The following CAMK2D variants were observed in gnomAD, a reference collection of about 807,000 sequenced individuals.
The protein encoded by CAMK2D is calcium/calmodulin dependent protein kinase II delta.
In CAMK2D, 37 loss-of-function variants were observed where a neutral mutation model predicts 84.0. That is an observed-to-expected ratio of 0.44 (90% confidence interval 0.34 to 0.58). The LOEUF (loss-of-function observed/expected upper bound fraction) is 0.58. Ranked by LOEUF, CAMK2D falls within the 20% of genes least tolerant of loss-of-function variation. CAMK2D has a pLI of 0.02. For synonymous variants in CAMK2D, 202 were observed against 212.5 expected (o/e 0.95, Z 0.43); for missense variants, 448 against 652.5 (o/e 0.69, Z 3.41).
At chr4:113,733,956 T>TC (rs1287046575) in intron 2 of CAMK2D, among the ~76,000 whole-genome samples, 3 of 152,190 alleles carry the variant, frequency 2.0e-5, no homozygotes, top group African/African-American at 7.2e-5. Flanking sequence ...AGGTTTCCAT[T>TC]CTGCTTTTAA....
At chr4:113,572,289 T>C (rs546756335) in intron 4 of CAMK2D, among the ~76,000 whole-genome samples, 69 of 152,238 alleles carry the variant, frequency 4.5e-4, no homozygotes, top group Non-Finnish European at 7.2e-4. Flanking sequence ...CAAGGATTGA[T>C]TGACCTTCAA....
chr4:113,630,972 A>T (rs1290805168), intron 3 of CAMK2D, among the ~76,000 whole-genome samples: 1 of 152,184 alleles, frequency 6.6e-6, no homozygotes, highest in Admixed American at 6.5e-5. Context: ...TTTATGTAAC[A>T]TATCATGGAT....
chr4:113,692,663 T>C (rs1393970338), intron 2 of CAMK2D, among the ~76,000 whole-genome samples: 2 of 151,998 alleles, frequency 1.3e-5, no homozygotes, highest in African/African-American at 4.8e-5. Context: ...TACATACATA[T>C]ATTCATACAT....
At chr4:113,507,122 T>C (rs923683036) in intron 13 of CAMK2D, among the ~76,000 whole-genome samples, 1 of 152,210 alleles carries the variant, frequency 6.6e-6, no homozygotes, top group Non-Finnish European at 1.5e-5. Context: ...ATTTTTTTCC[T>C]ATGGAAAATC....
chr4:113,531,301 T>C lies in CAMK2D; in HGVS notation c.518-2A>G. The C allele has an allele frequency of 6.5e-7, 1 of 1,537,126 alleles. No homozygotes were observed. The highest frequency in any genetic ancestry group is 9.0e-7 in the Non-Finnish European group (1 of 1,110,098). ...GATATCCAGGTGTGCCAGCAAAACC[T>C]AGGGAAAAGAGATGTTAATGAGTCA... is the stretch of plus-strand genomic sequence containing the variant. On this transcript the variant is annotated splice_acceptor_variant, in intron 7 of 20. Coordinates refer to ENST00000511664, the MANE Select transcript of CAMK2D (RefSeq NM_001321571.2). LOFTEE classifies it high-confidence loss of function.
intron 16 of CAMK2D, among the ~76,000 whole-genome samples, chr4:113,495,950 A>C (rs1214052601): frequency 6.6e-6 from 1 of 152,190 alleles, no homozygotes; most frequent in African/African-American, 2.4e-5. Flanking sequence ...GAATGCTGGG[A>C]AACATAAGCA....
intron 16 of CAMK2D, among the ~76,000 whole-genome samples, chr4:113,489,711 C>T (rs1183019054): frequency 1.3e-5 from 2 of 148,224 alleles, no homozygotes; most frequent in South Asian, 2.3e-4. Flanking sequence ...CCTGAGGAAT[C>T]GCCACACTGA....
intron 2 of CAMK2D, among the ~76,000 whole-genome samples, chr4:113,663,690 T>C (rs1313952346): frequency 6.6e-6 from 1 of 150,804 alleles, no homozygotes; most frequent in Admixed American, 6.6e-5. Flanking sequence ...TATGAAAATA[T>C]ATGTGCTGAA....
At chr4:113,590,618 A>C (rs2098868870) in intron 4 of CAMK2D, among the ~76,000 whole-genome samples, 1 of 152,294 alleles carries the variant, frequency 6.6e-6, no homozygotes, top group South Asian at 2.1e-4. Context: ...TCTACTTTGA[A>C]AGCTTTTTTT....
chr4:113,468,231 T>C (rs534529204), intron 16 of CAMK2D, among the ~76,000 whole-genome samples: 1 of 152,344 alleles, frequency 6.6e-6, no homozygotes, highest in African/African-American at 2.4e-5. Context: ...GTATTTTGCA[T>C]GCCACAACTG....
chr4:113,688,910 C>CAAAAAAAAAAAAAAAAAAAAAAG (rs2099369026), intron 2 of CAMK2D, among the ~76,000 whole-genome samples: 4 of 49,714 alleles, frequency 8.0e-5, no homozygotes, highest in Non-Finnish European at 1.1e-4. Context: ...AAAGAAGATG[C>CAAAAAAAAAAAAAAAAAAAAAAG]AAAAAAAAAA....
chr4:113,516,310 C>A (rs113072213), intron 9 of CAMK2D, among the ~76,000 whole-genome samples: 1,571 of 152,264 alleles, frequency 0.01, 36 homozygotes, highest in African/African-American at 0.035. Context: ...GTTAAAGAAA[C>A]ACACGAGGCT....
chr4:113,622,924 G>C (rs2099052316), intron 3 of CAMK2D, among the ~76,000 whole-genome samples: 1 of 152,102 alleles, frequency 6.6e-6, no homozygotes. Flanking sequence ...CTATTGATTA[G>C]GCTTTAATCA....
chr4:113,743,951 C>T (rs999410560), intron 2 of CAMK2D, among the ~76,000 whole-genome samples: 1 of 152,042 alleles, frequency 6.6e-6, no homozygotes, highest in African/African-American at 2.4e-5. Flanking sequence ...TGCCATTCTC[C>T]TGCCTTAGGC....
rs11947512 is a variant in CAMK2D, at chr4:113,488,996, T to G, written c.1135+11467A>C. 5.6e-3 allele frequency among the ~76,000 whole-genome samples: 858 copies of G among 152,084 alleles called. 8 individuals are homozygous for G. The highest frequency in any genetic ancestry group is 0.02 in the African/African-American group (827 of 41,492). ...AGAAAAATTGAGTATAGAGGTAAAA[T>G]AGAAGAAATATATAAAAATAGAGAA... On this transcript the variant is annotated intron_variant, in intron 16 of 20. Coordinates refer to ENST00000511664, the MANE Select transcript of CAMK2D (RefSeq NM_001321571.2).
intron 2 of CAMK2D, among the ~76,000 whole-genome samples, chr4:113,758,624 G>A (rs1345908521): frequency 6.6e-6 from 1 of 152,104 alleles, no homozygotes; most frequent in Non-Finnish European, 1.5e-5. Flanking sequence ...TTTTGCATGA[G>A]TTCTACTAAA....
intron 4 of CAMK2D, among the ~76,000 whole-genome samples, chr4:113,561,746 A>G (rs1436889277): frequency 6.6e-6 from 1 of 152,236 alleles, no homozygotes; most frequent in Admixed American, 6.5e-5. Context: ...AAAAAGATCA[A>G]GAGTTATTGC....
chr4:113,554,974 A>G (rs926889582), intron 4 of CAMK2D, among the ~76,000 whole-genome samples: 9 of 58,368 alleles, frequency 1.5e-4, no homozygotes, highest in Non-Finnish European at 2.7e-4. Flanking sequence ...AGATAACTCT[A>G]GAACATGAAA....
At chr4:113,758,067 A>C (rs570877545) in intron 2 of CAMK2D, among the ~76,000 whole-genome samples, 8 of 152,296 alleles carry the variant, frequency 5.3e-5, no homozygotes, top group Admixed American at 5.2e-4. Context: ...CTAACTACAC[A>C]TTTTCATTTT....
Sources: gnomAD v4.1 joint callset for allele counts (sites outside exome capture counted in the v4.1 genomes callset) on GRCh38, gnomAD v4.1.1 for gene constraint, MANE v1.5 for transcripts, NCBI Gene and HGNC (gene_info 2026-07-23, HGNC 2026-07-21) for gene names.